The following EYA2 variants were observed in gnomAD, a reference collection of about 807,000 sequenced individuals.
The protein encoded by EYA2 is EYA transcriptional coactivator and phosphatase 2, also known as protein phosphatase EYA2.
Under a neutral mutation model 69.2 loss-of-function variants are expected in EYA2, and 31 were observed. That is an observed-to-expected ratio of 0.45 (90% CI 0.34 to 0.60). The LOEUF is 0.60. Among genes scored for constraint, EYA2 ranks in the 20% least tolerant of loss-of-function variants. EYA2 has a pLI of 0.02. For missense variants in EYA2, 622 were observed against 701.2 expected (o/e 0.89, Z 1.28); for synonymous variants, 257 against 279.4 (o/e 0.92, Z 0.80).
At chr20:46,945,230 T>G (rs1475189999) in intron 1 of EYA2, among the ~76,000 whole-genome samples, 1 of 152,226 alleles carries the variant, frequency 6.6e-6, no homozygotes, top group Non-Finnish European at 1.5e-5. Context: ...TTATAATACC[T>G]GCATAGCAGA....
At chr20:47,177,332 C>G (rs922697386) in intron 12 of EYA2, among the ~76,000 whole-genome samples, 1 of 151,810 alleles carries the variant, frequency 6.6e-6, no homozygotes, top group Non-Finnish European at 1.5e-5. Context: ...AGGCTGGTCT[C>G]AAACCCCTGG....
intron 1 of EYA2, among the ~76,000 whole-genome samples, chr20:46,969,030 C>G (rs868042151): frequency 6.6e-6 from 1 of 152,162 alleles, no homozygotes; most frequent in Non-Finnish European, 1.5e-5. Flanking sequence ...TTGACCTACA[C>G]GGCTCTTTCT....
chr20:46,974,667 TAC>T (rs1980344152), intron 1 of EYA2, among the ~76,000 whole-genome samples: 1 of 152,144 alleles, frequency 6.6e-6, no homozygotes, highest in Non-Finnish European at 1.5e-5. Context: ...ACTCTTCCCT[TAC>T]AGGAAGAGTC....
chr20:47,093,200 C>G (rs2032137558), intron 8 of EYA2, among the ~76,000 whole-genome samples: 1 of 152,226 alleles, frequency 6.6e-6, no homozygotes. Context: ...GGCCTCCTCA[C>G]TCCTCCTTTC....
At chr20:47,095,239 C>A (rs2032213878) in intron 8 of EYA2, among the ~76,000 whole-genome samples, 1 of 151,752 alleles carries the variant, frequency 6.6e-6, no homozygotes, top group Admixed American at 6.6e-5. Flanking sequence ...CTGCAAAAAT[C>A]AAAAATTTAA....
intron 1 of EYA2, among the ~76,000 whole-genome samples, chr20:46,913,720 A>G (rs141150515): frequency 7.2e-5 from 11 of 152,250 alleles, no homozygotes; most frequent in African/African-American, 2.4e-4. Flanking sequence ...ATATGAAGAG[A>G]GGAGTCCAAG....
chr20:46,976,859 C>T (rs1476128617), intron 1 of EYA2, among the ~76,000 whole-genome samples: 3 of 152,188 alleles, frequency 2.0e-5, no homozygotes, highest in Non-Finnish European at 4.4e-5. Context: ...CTTGGGGTAT[C>T]ACTTCTAGAG....
At chr20:46,999,484 A>G (rs1314287368) in intron 2 of EYA2, among the ~76,000 whole-genome samples, 1 of 152,192 alleles carries the variant, frequency 6.6e-6, no homozygotes, top group African/African-American at 2.4e-5. Context: ...GATGCGAAAT[A>G]TATTTCTGCA....
intron 1 of EYA2, among the ~76,000 whole-genome samples, chr20:46,986,866 C>T (rs1009787697): frequency 3.3e-5 from 5 of 152,152 alleles, no homozygotes; most frequent in Non-Finnish European, 7.3e-5. Context: ...CCCACTAGCC[C>T]CACAACACTG....
chr20:47,168,174 C>T (rs934159502), intron 10 of EYA2, among the ~76,000 whole-genome samples: 2 of 147,704 alleles, frequency 1.4e-5, no homozygotes, highest in African/African-American at 5.1e-5. Context: ...GTCCCCACCC[C>T]GTAGTCTTTT....
chr20:47,055,588 C>T (rs1025038826), intron 5 of EYA2, among the ~76,000 whole-genome samples: 3 of 152,168 alleles, frequency 2.0e-5, no homozygotes, highest in Non-Finnish European at 4.4e-5. Flanking sequence ...ACACTTGCCC[C>T]CTTATCCTCT....
chr20:47,162,085 G>A (rs1406988328), intron 10 of EYA2, among the ~76,000 whole-genome samples: 1 of 152,176 alleles, frequency 6.6e-6, no homozygotes, highest in Non-Finnish European at 1.5e-5. Context: ...GACTCGTAGA[G>A]AACATGTCAC....
At chr20:47,015,432 G>A (rs1011748082) in intron 4 of EYA2, among the ~76,000 whole-genome samples, 7 of 152,142 alleles carry the variant, frequency 4.6e-5, no homozygotes, top group East Asian at 3.8e-4. Context: ...AGGTCCCCCC[G>A]TGAGATTGGA....
At chr20:47,002,752 G>A (rs1285074496) in intron 3 of EYA2, among the ~76,000 whole-genome samples, 1 of 152,168 alleles carries the variant, frequency 6.6e-6, no homozygotes, top group Non-Finnish European at 1.5e-5. Flanking sequence ...TAGAAACTCA[G>A]AGATGGATGA....
chr20:46,943,153 A>G (rs549635057), intron 1 of EYA2, among the ~76,000 whole-genome samples: 1 of 152,316 alleles, frequency 6.6e-6, no homozygotes, highest in African/African-American at 2.4e-5. Flanking sequence ...ATCTGTAGAC[A>G]TTTGGCTGTC....
At chr20:47,136,977 C>T (rs374437471) in intron 9 of EYA2, among the ~76,000 whole-genome samples, 9 of 152,198 alleles carry the variant, frequency 5.9e-5, no homozygotes, top group East Asian at 3.9e-4. Flanking sequence ...TCCGTACCTT[C>T]GCCTCAAGAG....
chr20:47,009,656 C>T (rs558641170), intron 4 of EYA2, among the ~76,000 whole-genome samples: 34 of 152,280 alleles, frequency 2.2e-4, no homozygotes, highest in African/African-American at 7.7e-4. Context: ...TAAAGAGCCA[C>T]ATAGTAAATA....
At chr20:46,994,539 A>T (rs951148531) in intron 2 of EYA2, among the ~76,000 whole-genome samples, 1 of 152,188 alleles carries the variant, frequency 6.6e-6, no homozygotes, top group African/African-American at 2.4e-5. Flanking sequence ...TGCCCTGGGC[A>T]TGACAAGACC....
chr20:46,993,866 A>T (rs529183359), intron 2 of EYA2, among the ~76,000 whole-genome samples: 3 of 152,318 alleles, frequency 2.0e-5, no homozygotes, highest in Admixed American at 6.5e-5. Context: ...CCACATGGCT[A>T]CACAGAACAA....
Sources: allele counts gnomAD v4.1 joint callset (sites outside exome capture counted in the v4.1 genomes callset), GRCh38; gene constraint gnomAD v4.1.1; transcripts MANE v1.5; gene names NCBI Gene and HGNC (gene_info 2026-07-23, HGNC 2026-07-21).